The following ANKRD30A variants were observed in gnomAD, a reference collection of about 807,000 sequenced individuals.
ANKRD30A encodes ankyrin repeat domain 30A, also known as ankyrin repeat domain-containing protein 30A.
Under a neutral mutation model 166.3 loss-of-function variants are expected in ANKRD30A, and 170 were observed. The ratio of observed to expected loss-of-function variants is 1.02; its 90% CI spans 0.90 to 1.16. The LOEUF (loss-of-function observed/expected upper bound fraction) is 1.16. ANKRD30A is among the 50% of genes most tolerant of loss of function. The pLI is 0.00. For missense variants in ANKRD30A, 1,630 were observed against 1,518.0 expected (o/e 1.07, Z -1.23); for synonymous variants, 564 against 508.9 (o/e 1.11, Z -1.46).
At position 37,216,409 on chromosome 10, in the gene ANKRD30A, T is replaced by A; in HGVS notation, c.3083+15T>A. On this transcript the variant is annotated intron_variant, in intron 32 of 35. Coordinates refer to ENST00000361713, the MANE Select transcript of ANKRD30A (RefSeq NM_052997.3). ...TGCAGTGTGAGGTGTGATTTCCTAG[T>A]TTTAAATAAATATTTCAGCTATTTA... The A allele has an allele frequency of 6.4e-7, 1 of 1,568,242 alleles. No homozygotes were observed. Among genetic ancestry groups the A allele is most frequent in the Non-Finnish European group, 8.6e-7 (1 of 1,160,036 alleles).
Position 37,137,693 on chromosome 10 carries a change from G to A in ANKRD30A, c.820+1022G>A, listed in dbSNP as rs535145957. The stretch of plus-strand genomic sequence containing the variant: ...GGTTGGGGGAGGGACGCTTACCATT[G>A]CCGAGGCTTGAGTAGGTAAACAAAG... On this transcript the variant is annotated intron_variant, in intron 6 of 35. Transcript: ENST00000361713. Among the ~76,000 whole-genome samples the A allele has an allele frequency of 3.7e-4, 57 of 152,290 alleles. 1 individual carries two copies. The South Asian group carries it at 0.011, about 30-fold the overall frequency.
rs185697658 is a variant in ANKRD30A, at chr10:37,220,029, A to G, written c.4185+132A>G. 8.7e-3 allele frequency: 1,291 copies of G among 148,104 alleles called. 136 individuals are homozygous for G. The highest frequency in any genetic ancestry group is 0.012 in the Middle Eastern group (5 of 432). The allele number at this position is 148,104 out of a possible 1,614,324, so 9.2% of individuals were successfully genotyped here. A position where few individuals can be genotyped will look rare whatever the true frequency, so the allele number is the denominator to read the frequency against. On this transcript the variant is annotated intron_variant, in intron 34 of 35. Transcript: ENST00000361713. The stretch of plus-strand genomic sequence containing the variant: ...TATATATATATATATATATATATAT[A>G]ATATATGTATGTATAAATAGATGAT...
intron 19 of ANKRD30A, among the ~76,000 whole-genome samples, chr10:37,167,947 A>G (rs1839488821): frequency 9.5e-6 from 1 of 105,186 alleles, no homozygotes; most frequent in Admixed American, 1.1e-4. Flanking sequence ...GTTGCCTTAA[A>G]GACACATGGT....
intron 18 of ANKRD30A, among the ~76,000 whole-genome samples, chr10:37,166,116 A>G (rs1200794799): frequency 1.3e-5 from 2 of 152,140 alleles, no homozygotes; most frequent in Non-Finnish European, 2.9e-5. Context: ...AATTCTGTAC[A>G]TACATTCTAT....
At chr10:37,250,798 T>A in the ANKRD30A span, among the ~76,000 whole-genome samples, 6 of 151,762 alleles carry the variant, frequency 4.0e-5, no homozygotes, top group Non-Finnish European at 7.4e-5. Flanking sequence ...CTCCTCAGCC[T>A]CCAGATCTTT....
In ANKRD30A at chr10:37,159,256, C is replaced by A. The variant is rs1838639476; in HGVS notation, c.1900+670C>A. On this transcript the variant is annotated intron_variant, in intron 15 of 35. Transcript: ENST00000361713. ...AACAGGCTGTGCATGGTGACACGTG[C>A]CTGTAATCCTAGCATTTTGGGAGAC... Among the ~76,000 whole-genome samples, 4 of 152,270 alleles carry A rather than the reference C, an allele frequency of 2.6e-5. No individual in the cohort carries two copies. In the South Asian group the frequency reaches 8.3e-4, roughly 32 times the overall value.
chr10:37,220,543 C>G, intron 34 of ANKRD30A, among the ~76,000 whole-genome samples: 1 of 151,062 alleles, frequency 6.6e-6, no homozygotes, highest in East Asian at 1.9e-4. Flanking sequence ...TTTTTAAAGG[C>G]ATCTGTGTTT....
At chr10:37,137,749 A>G (rs956575721) in intron 6 of ANKRD30A, among the ~76,000 whole-genome samples, 1 of 152,168 alleles carries the variant, frequency 6.6e-6, no homozygotes, top group Non-Finnish European at 1.5e-5. Flanking sequence ...GGTGGAGCCC[A>G]CCGCAGCTCA....
chr10:37,146,046 A>G (rs756520196), intron 8 of ANKRD30A, among the ~76,000 whole-genome samples: 19 of 152,412 alleles, frequency 1.2e-4, no homozygotes, highest in South Asian at 2.1e-4. Context: ...CAAGGTCACA[A>G]CTGTGGAAAG....
At chr10:37,195,577 C>T (rs1468575618) in intron 27 of ANKRD30A, among the ~76,000 whole-genome samples, 1 of 152,078 alleles carries the variant, frequency 6.6e-6, no homozygotes, top group African/African-American at 2.4e-5. Flanking sequence ...AAAACATAAA[C>T]AAAAGATAGT....
At chr10:37,127,938 G>A (rs766201602) in intron 1 of ANKRD30A, among the ~76,000 whole-genome samples, 1 of 152,004 alleles carries the variant, frequency 6.6e-6, no homozygotes, top group Non-Finnish European at 1.5e-5. Context: ...AAACATACAT[G>A]CAATTTCTTT....
chr10:37,196,076 GT>G (rs1416561633), intron 27 of ANKRD30A, among the ~76,000 whole-genome samples: 2 of 146,568 alleles, frequency 1.4e-5, no homozygotes, highest in Non-Finnish European at 1.5e-5. Context: ...AGAGTTAGAG[GT>G]TTTTTTATAT....
intron 15 of ANKRD30A, among the ~76,000 whole-genome samples, chr10:37,162,112 T>C (rs531857067): frequency 2.2e-4 from 34 of 152,220 alleles, no homozygotes; most frequent in African/African-American, 7.2e-4. Context: ...GATACAGAAA[T>C]ATAGGCATAT....
intron 15 of ANKRD30A, among the ~76,000 whole-genome samples, chr10:37,158,957 T>A (rs567893988): frequency 2.6e-5 from 4 of 152,324 alleles, no homozygotes; most frequent in African/African-American, 9.6e-5. Flanking sequence ...TTTCACTTGC[T>A]GACATGACAG....
rs767319809 is a variant in ANKRD30A, at chr10:37,197,449, G to T, written c.2685G>T (p.Leu895Phe). 7 of 1,612,224 alleles carry T rather than the reference G, an allele frequency of 4.3e-6. No individual in the cohort carries two copies. Among genetic ancestry groups the T allele is most frequent in the South Asian group, 3.3e-5 (3 of 90,988 alleles). Residue 895 changes from leucine (L) to phenylalanine (F), a missense_variant, in exon 29 of 36, where the codon TTG becomes TTT. This residue lies in a region of ANKRD30A where 712 missense variants were observed against 629.3 expected (regional missense o/e 1.13). Coordinates refer to ENST00000361713, the MANE Select transcript of ANKRD30A (RefSeq NM_052997.3). ...EMQKSVPNKA[L>F]ELKNEQTLRA... Reference sequence around the variant, plus strand: ...AAAAGTCTGTTCCAAATAAAGCCTTGGAATTGAAGAATGAACAAACATTGA... The same window carrying T: ...AAAAGTCTGTTCCAAATAAAGCCTTTGAATTGAAGAATGAACAAACATTGA...
At chr10:37,210,272 T>A (rs993571484) in intron 31 of ANKRD30A, among the ~76,000 whole-genome samples, 5 of 152,190 alleles carry the variant, frequency 3.3e-5, no homozygotes, top group Non-Finnish European at 7.3e-5. Flanking sequence ...TTCATCCATG[T>A]CCCTGCAAAG....
intron 31 of ANKRD30A, among the ~76,000 whole-genome samples, chr10:37,211,377 T>C (rs905835495): frequency 3.9e-5 from 6 of 151,998 alleles, no homozygotes; most frequent in Non-Finnish European, 8.8e-5. Flanking sequence ...AGTGAGAACA[T>C]GTGGTGTTTG....
chr10:37,240,919 G>C, the ANKRD30A span: 1 of 152,100 alleles, frequency 6.6e-6, no homozygotes, highest in African/African-American at 2.4e-5. Flanking sequence ...TAATTCCAGT[G>C]TTTGTCACGT....
chr10:37,150,662 C>A (rs1047277840), intron 11 of ANKRD30A, among the ~76,000 whole-genome samples: 9 of 151,896 alleles, frequency 5.9e-5, no homozygotes, highest in African/African-American at 2.2e-4. Context: ...TAGTGACATC[C>A]ATAAAGGACA....
Sources: gnomAD v4.1 joint callset for allele counts (sites outside exome capture counted in the v4.1 genomes callset) on GRCh38, gnomAD v4.1.1 for gene constraint, gnomAD v4.1.1 regional missense constraint, MANE v1.5 for transcripts, NCBI Gene and HGNC (gene_info 2026-07-23, HGNC 2026-07-21) for gene names.